The following CLCN6 variants were observed in gnomAD, a reference collection of about 807,000 sequenced individuals.
CLCN6 encodes Cl-/H+ antiporter 6.
Under a neutral mutation model 109.8 loss-of-function variants are expected in CLCN6, and 70 were observed. That is an observed-to-expected ratio of 0.64 (90% CI 0.53 to 0.78). The LOEUF (loss-of-function observed/expected upper bound fraction) is 0.78, where lower values mean the gene tolerates loss of function less well. CLCN6 is among the 30% of genes least tolerant of loss of function. The probability of loss-of-function intolerance (pLI) is 0.00; values close to 1 mark genes in which losing one functional copy is unlikely to be tolerated. For synonymous variants in CLCN6, 444 were observed against 447.8 expected, an observed-to-expected ratio of 0.99 and a Z score of 0.11; for missense variants, 984 against 1,142.3, an observed-to-expected ratio of 0.86 and a Z score of 2.00.
rs753974155 is a variant in CLCN6, at chr1:11,822,818, T to C, written c.453+17T>C. The stretch of plus-strand genomic sequence containing the variant: ...CTCATTGAGGTGAGGTGGTTTGGAT[T>C]CACCTGCTCGCTTAGGAGGTTTTAG... On this transcript the variant is annotated intron_variant, in intron 6 of 22. Coordinates refer to ENST00000346436, the MANE Select transcript of CLCN6 (RefSeq NM_001286.5). The C allele has an allele frequency of 1.3e-6, 2 of 1,534,816 alleles. No homozygotes were observed. The highest frequency in any genetic ancestry group is 1.8e-6 in the Non-Finnish European group (2 of 1,107,730).
In CLCN6 at chr1:11,837,389, G is replaced by A; in HGVS notation, c.2185G>A (p.Asp729Asn). The A allele has an allele frequency of 1.2e-6, 2 of 1,614,152 alleles. No individual in the cohort carries two copies. Among genetic ancestry groups the A allele is most frequent in the Non-Finnish European group, 1.7e-6 (2 of 1,179,988 alleles). ...ATACCCTGACCAGTCCCCAAGTGAA[G>A]ACTGGACCATGGAGGAGCGGTTCCG... ...NLYPDQSPSE[D>N]WTMEERFRPL... Residue 729 changes from aspartate to asparagine, a missense_variant, in exon 20 of 23, where the codon GAC (aspartate) becomes AAC (asparagine). Physicochemically the swap from Asp to Asn is conservative, Grantham distance 23 (BLOSUM62 1). Coordinates refer to ENST00000346436, the MANE Select transcript of CLCN6 (RefSeq NM_001286.5).
At chr1:11,806,529 T>C in intron 1 of CLCN6, 180 bp downstream of exon 1, 1 of 501,606 alleles carries the variant, frequency 2.0e-6, no homozygotes. Flanking sequence ...CTGGGGTCTT[T>C]TCTCATAACC....
At chr1:11,839,982 G>A (rs750116021) in intron 22 of CLCN6, among the ~76,000 whole-genome samples, 161 bp from the exon 23 acceptor site, 3 of 152,230 alleles carry the variant, frequency 2.0e-5, no homozygotes, top group African/African-American at 7.2e-5. Flanking sequence ...CCTCCAGTGT[G>A]TGAGCCCTCG....
intron 13 of CLCN6, among the ~76,000 whole-genome samples, chr1:11,830,791 C>CTATATATATAT (rs1557429854): frequency 7.1e-6 from 1 of 141,082 alleles, no homozygotes; most frequent in African/African-American, 2.9e-5. Flanking sequence ...TATACACACA[C>CTATATATATAT]ACACACACAC....
Position 11,834,172 on chromosome 1 carries a change from T to C in CLCN6, c.1527-64T>C. 1.9e-6 allele frequency: 3 copies of C among 1,596,488 alleles called. No individual in the cohort carries two copies. Among genetic ancestry groups the C allele is most frequent in the Non-Finnish European group, 1.7e-6 (2 of 1,171,992 alleles). ...TGCATAGGCACAAGAGTATGAGCTG[T>C]AGGTCCTCCCCACAGCCTATCAGTG... On this transcript the variant is annotated intron_variant, in intron 15 of 22. Coordinates refer to ENST00000346436, the MANE Select transcript of CLCN6 (RefSeq NM_001286.5). The surrounding 1 kb of genome is among the most constrained non-coding windows in gnomAD (Gnocchi z 4.5).
Position 11,837,254 on chromosome 1 carries a change from G to A in CLCN6, c.2139-89G>A, listed in dbSNP as rs1001355521. ...GTGAGGTGGCTCCTGAGTTTCCTGG[G>A]AAAGTTGGATGGGGAGCGGGCTGGG... On this transcript the variant is annotated intron_variant, in intron 19 of 22. Transcript: ENST00000346436. 1.0e-5 allele frequency: 16 copies of A among 1,586,120 alleles called. 1 individual carries two copies. The Middle Eastern group carries it at 1.2e-3, about 117-fold the overall frequency.
chr1:11,836,424 A>G (rs775396535), intron 18 of CLCN6, among the ~76,000 whole-genome samples: 1 of 152,168 alleles, frequency 6.6e-6, no homozygotes, highest in Non-Finnish European at 1.5e-5. Context: ...TTACCATGTG[A>G]GAGTATCAGG....
At chr1:11,833,824 T>G in intron 14 of CLCN6, 53 bp from the exon 15 acceptor site, 1 of 1,581,594 alleles carries the variant, frequency 6.3e-7, no homozygotes, top group South Asian at 1.2e-5. Context: ...GTAGGTCTAC[T>G]GGGCCTTGGC....
rs533233088 is a variant in CLCN6 at position 11,822,917 on chromosome 1, G to T, written c.453+116G>T. On this transcript the variant is annotated intron_variant, in intron 6 of 22. Transcript: ENST00000346436. ...AGAATGCAGATTCCTGCAGAAAGTGGCCTCTTGTTCACTAAAGGTAAAGGT... is the reference window on the plus strand; with the variant it reads ...AGAATGCAGATTCCTGCAGAAAGTGTCCTCTTGTTCACTAAAGGTAAAGGT... 2.7e-5 allele frequency: 19 copies of T among 708,110 alleles called. No homozygotes were observed. The African/African-American group carries it at 3.0e-4, about 11-fold the overall frequency. 43.9% of individuals were successfully genotyped at this position (708,110 alleles called of 1,614,324 possible).
intron 13 of CLCN6, among the ~76,000 whole-genome samples, chr1:11,832,866 G>A (rs1644898200): frequency 6.6e-6 from 1 of 152,172 alleles, no homozygotes; most frequent in Admixed American, 6.5e-5. Flanking sequence ...AGAAAATGAG[G>A]TCTAAAATGT....
rs185466135 is a variant in CLCN6, at chr1:11,834,973, C to G, written c.1793+383C>G. On this transcript the variant is annotated intron_variant, in intron 17 of 22. Coordinates refer to ENST00000346436, the MANE Select transcript of CLCN6 (RefSeq NM_001286.5). The surrounding 1 kb of genome is among the most constrained non-coding windows in gnomAD (Gnocchi z 4.5). ...CCCACCAGAATGCCCTACTGCCAGC[C>G]GGGATTGTTCTGGGCATAATCACCT... is the stretch of plus-strand genomic sequence containing the variant. Among the ~76,000 whole-genome samples, 5 of 152,270 alleles carry G rather than the reference C, an allele frequency of 3.3e-5. No homozygotes were observed. The highest frequency in any genetic ancestry group is 1.3e-4 in the Admixed American group (2 of 15,298).
intron 8 of CLCN6, 81 bp from the exon 9 acceptor site, chr1:11,826,075 T>A (rs1644807844): frequency 1.9e-6 from 2 of 1,066,010 alleles, no homozygotes; most frequent in East Asian, 2.4e-5. Context: ...TTCTTTTTTT[T>A]TTTTCCATAA....
In CLCN6 at chr1:11,819,539, G is replaced by A. The variant is rs62621185; in HGVS notation, c.331G>A (p.Gly111Arg). 4.8e-5 allele frequency: 77 copies of A among 1,613,966 alleles called. 1 individual carries two copies. Among genetic ancestry groups the A allele is most frequent in the Non-Finnish European group, 5.8e-5 (68 of 1,180,026 alleles). Residue 111 changes from glycine to arginine, a missense_variant, in exon 5 of 23, where the codon GGA becomes AGA. By Grantham distance (125) the Gly-to-Arg change is moderately radical. Coordinates refer to ENST00000346436, the MANE Select transcript of CLCN6 (RefSeq NM_001286.5). ...GCGACTCTTCACCCAACTCAAGTTCGGAGTGGTACAGACATGTATCCTTTT... is the reference window on the plus strand; with the variant it reads ...GCGACTCTTCACCCAACTCAAGTTCAGAGTGGTACAGACATGTATCCTTTT... Reference protein sequence around the residue: ...FVRLFTQLKFGVVQTSVEECS... With the variant: ...FVRLFTQLKFRVVQTSVEECS...
rs778855117 is a variant in CLCN6, at chr1:11,836,903, C to G, written c.1981-96C>G. 19 of 1,440,034 alleles carry G rather than the reference C, an allele frequency of 1.3e-5. No individual in the cohort carries two copies. The Admixed American group carries it at 3.0e-4, about 22-fold the overall frequency. The allele number at this position is 1,440,034 out of a possible 1,614,324, so 89.2% of individuals were successfully genotyped here. A position where few individuals can be genotyped will look rare whatever the true frequency, so the allele number is the denominator to read the frequency against. On this transcript the variant is annotated intron_variant, in intron 18 of 22. Transcript: ENST00000346436. Reference sequence around the variant, plus strand: ...CATTAAGTTCCTGCGTCCGGATGTGCTTCTGACCCTCCCTGTCACCCAAAT... The same window carrying G: ...CATTAAGTTCCTGCGTCCGGATGTGGTTCTGACCCTCCCTGTCACCCAAAT...
chr1:11,808,150 G>C (rs1557776180), intron 2 of CLCN6, among the ~76,000 whole-genome samples: 1 of 151,708 alleles, frequency 6.6e-6, no homozygotes, highest in African/African-American at 2.4e-5. Flanking sequence ...CTCAAGCCCA[G>C]TCTTCTTTTG....
intron 2 of CLCN6, among the ~76,000 whole-genome samples, chr1:11,808,294 A>C (rs116649336): frequency 6.8e-6 from 1 of 147,810 alleles, no homozygotes; most frequent in Non-Finnish European, 1.5e-5. Flanking sequence ...CAGTCTCCCT[A>C]TGTTGCCCAG....
chr1:11,815,329 C>T (rs1644656126), intron 2 of CLCN6, among the ~76,000 whole-genome samples: 1 of 152,194 alleles, frequency 6.6e-6, no homozygotes, highest in Non-Finnish European at 1.5e-5. Flanking sequence ...CAACACCACT[C>T]AAATTTTAAT....
chr1:11,835,219 A>C (rs1222530244), intron 17 of CLCN6, among the ~76,000 whole-genome samples: 1 of 152,222 alleles, frequency 6.6e-6, no homozygotes, highest in Non-Finnish European at 1.5e-5. Context: ...AGTGGGCTAC[A>C]GTTTGCTGTG....
intron 6 of CLCN6, among the ~76,000 whole-genome samples, chr1:11,823,064 C>T (rs1047709134): frequency 6.6e-6 from 1 of 152,178 alleles, no homozygotes; most frequent in African/African-American, 2.4e-5. Flanking sequence ...CTGTTGGGTG[C>T]CATGCGCACT....
Sources: gnomAD v4.1 joint callset for allele counts (sites outside exome capture counted in the v4.1 genomes callset) on GRCh38, gnomAD v4.1.1 for gene constraint, Gnocchi (gnomAD v3.1) non-coding constraint, MANE v1.5 for transcripts, NCBI Gene and HGNC (gene_info 2026-07-23, HGNC 2026-07-21) for gene names.